The following ZBTB10 variants were observed in gnomAD, a reference collection of about 807,000 sequenced individuals.
ZBTB10 encodes zinc finger and BTB domain-containing protein 10.
Under a neutral mutation model 76.4 loss-of-function variants are expected in ZBTB10, and 32 were observed. The observed-to-expected ratio is 0.42, with a 90% CI of 0.32 to 0.56. The LOEUF is 0.56. Ranked by LOEUF, ZBTB10 falls within the 20% of genes least tolerant of loss-of-function variation. ZBTB10 has a pLI of 0.14. For missense variants in ZBTB10, 1,057 were observed against 1,098.5 expected (o/e 0.96, Z 0.53); for synonymous variants, 523 against 432.9 (o/e 1.21, Z -2.58).
At chr8:80,515,271 A>T (rs1816298995) in intron 3 of ZBTB10, among the ~76,000 whole-genome samples, 1 of 152,226 alleles carries the variant, frequency 6.6e-6, no homozygotes, top group South Asian at 2.1e-4. Flanking sequence ...TGTTGAAGAT[A>T]GATATGGATG....
intron 2 of ZBTB10, among the ~76,000 whole-genome samples, chr8:80,513,461 T>C (rs1816249474): frequency 6.6e-6 from 1 of 152,222 alleles, no homozygotes. Context: ...TAGCTTTAAT[T>C]GGTCTCCACT....
chr8:80,489,213 A>G (rs1056203872), intron 1 of ZBTB10, among the ~76,000 whole-genome samples: 4 of 152,136 alleles, frequency 2.6e-5, no homozygotes, highest in African/African-American at 9.7e-5. Flanking sequence ...GCAATTAACT[A>G]GCTTTGTGAG....
At chr8:80,493,205 G>GCACACACACACACACA (rs1475902734) in intron 1 of ZBTB10, among the ~76,000 whole-genome samples, 8 of 98,364 alleles carry the variant, frequency 8.1e-5, no homozygotes, top group African/African-American at 2.8e-4. Context: ...GCGCGCGCGC[G>GCACACACACACACACA]CGCACACACA....
intron 2 of ZBTB10, among the ~76,000 whole-genome samples, chr8:80,501,026 C>G (rs921168120): frequency 5.3e-5 from 8 of 152,092 alleles, no homozygotes; most frequent in Non-Finnish European, 8.8e-5. Flanking sequence ...GCCACCACAC[C>G]CAGCTAATTT....
chr8:80,486,482 T>C lies in ZBTB10; in HGVS notation c.-329T>C. ...ACTCCGCTGCTCAACTTCGAAGGCC[T>C]CGCTCGCTGCAGGCTCGCTCCTCAC... On this transcript the variant is annotated 5_prime_UTR_variant, in exon 1 of 6. Coordinates refer to ENST00000455036, the MANE Select transcript of ZBTB10 (RefSeq NM_001105539.3). 1.0e-6 allele frequency: 1 copy of C among 985,230 alleles called. No homozygotes were observed. The highest frequency in any genetic ancestry group is 1.2e-6 in the Non-Finnish European group (1 of 829,998). The allele number at this position is 985,230 out of a possible 1,614,324, so 61.0% of individuals were successfully genotyped here.
chr8:80,518,307 A>G, intron 3 of ZBTB10, 96 bp from the exon 4 acceptor site: 2 of 1,165,998 alleles, frequency 1.7e-6, no homozygotes, highest in East Asian at 5.4e-5. Flanking sequence ...TTCTATCATA[A>G]TGCCTGTAGG....
In ZBTB10 at chr8:80,525,781, G is replaced by A. The variant is rs1816549049; in HGVS notation, c.*6253G>A. 1 of 152,140 alleles carries A rather than the reference G, an allele frequency of 6.6e-6. No individual in the cohort carries two copies. The allele number at this position is 152,140 out of a possible 1,614,324, so 9.4% of individuals were successfully genotyped here. ...ACACTCAAATAGTATTTGGCACATA[G>A]CTTGTTGATCAAAAGTATTTACTAA... On this transcript the variant is annotated 3_prime_UTR_variant, in exon 6 of 6. Coordinates refer to ENST00000455036, the MANE Select transcript of ZBTB10 (RefSeq NM_001105539.3).
intron 2 of ZBTB10, among the ~76,000 whole-genome samples, chr8:80,504,002 G>A (rs1815989795): frequency 6.6e-6 from 1 of 152,144 alleles, no homozygotes; most frequent in Admixed American, 6.6e-5. Context: ...CATAGCCTGT[G>A]TTTACCAACG....
intron 1 of ZBTB10, among the ~76,000 whole-genome samples, chr8:80,493,197 G>GCGCGCGCA (rs1174846425): frequency 1.1e-4 from 12 of 108,744 alleles, no homozygotes; most frequent in Non-Finnish European, 1.9e-4. Context: ...CTCAAAACGC[G>GCGCGCGCA]CGCGCGCGCG....
At chr8:80,510,646 GTGTGTGTGTGTGTGTGT>G (rs1816166669) in intron 2 of ZBTB10, among the ~76,000 whole-genome samples, 2 of 145,256 alleles carry the variant, frequency 1.4e-5, no homozygotes, top group South Asian at 2.2e-4. Flanking sequence ...ACCAGTGTGT[GTGTGTGTGTGTGTGTGT>G]GTGTGTGTGT....
chr8:80,519,097 A>G, intron 5 of ZBTB10, 126 bp from the exon 6 acceptor site: 2 of 1,399,740 alleles, frequency 1.4e-6, no homozygotes, highest in Non-Finnish European at 1.9e-6. Context: ...ATGAACTGAT[A>G]GTGAGCTTTT....
intron 3 of ZBTB10, among the ~76,000 whole-genome samples, chr8:80,516,374 G>C (rs80053455): frequency 6.6e-6 from 1 of 152,334 alleles, no homozygotes; most frequent in East Asian, 1.9e-4. Context: ...AGTAATTGTA[G>C]GGCATGTGTC....
At position 80,500,054 on chromosome 8, in the gene ZBTB10, A is replaced by G. The variant is rs745756988; in HGVS notation, c.1533A>G (p.Ala511=). ...FWATRNLTNL[A]SNVKIENDGC... Reference sequence around the variant, plus strand: ...CAACACGGAATCTTACCAATTTGGCAAGTAATGTAAAGATTGAAAATGATG... The same window carrying G: ...CAACACGGAATCTTACCAATTTGGCGAGTAATGTAAAGATTGAAAATGATG... Residue 511 remains alanine (A), a synonymous_variant, in exon 2 of 6, where the codon GCA becomes GCG. Transcript: ENST00000455036. The G allele has an allele frequency of 1.9e-6, 3 of 1,613,874 alleles. No individual in the cohort carries two copies. The African/African-American group carries it at 4.0e-5, about 22-fold the overall frequency.
chr8:80,525,999 C>G lies in ZBTB10; in HGVS notation c.*6471C>G, dbSNP rs1023889057. 2.6e-5 allele frequency: 4 copies of G among 152,028 alleles called. No individual in the cohort carries two copies. The highest frequency in any genetic ancestry group is 4.4e-5 in the Non-Finnish European group (3 of 68,002). 9.4% of individuals were successfully genotyped at this position (152,028 alleles called of 1,614,324 possible). On this transcript the variant is annotated 3_prime_UTR_variant, in exon 6 of 6. Transcript: ENST00000455036. ...ATAATGTTACTGCAAGATGTAATGA[C>G]CAAATCCAACCTACTGCAAATGTTA... is the stretch of plus-strand genomic sequence containing the variant.
chr8:80,500,388 T>G lies in ZBTB10; in HGVS notation c.1861+6T>G. 6.5e-7 allele frequency: 1 copy of G among 1,537,370 alleles called. No homozygotes were observed. The highest frequency in any genetic ancestry group is 8.7e-7 in the Non-Finnish European group (1 of 1,145,076). On this transcript the variant is annotated splice_donor_region_variant and intron_variant, in intron 2 of 5. Coordinates refer to ENST00000455036, the MANE Select transcript of ZBTB10 (RefSeq NM_001105539.3). ...ACTCATCAAGGAAGAACCAGGTAAATATTATCTATACAAGGATACTTCCTT... is the reference window on the plus strand; with the variant it reads ...ACTCATCAAGGAAGAACCAGGTAAAGATTATCTATACAAGGATACTTCCTT...
intron 2 of ZBTB10, among the ~76,000 whole-genome samples, chr8:80,501,679 T>G (rs1234398999): frequency 6.8e-6 from 1 of 147,040 alleles, no homozygotes; most frequent in Middle Eastern, 3.3e-3. Flanking sequence ...TGTATGTATG[T>G]GTGTGTGTGT....
upstream of ZBTB10, chr8:80,486,104 G>A (rs1453806580): frequency 2.2e-6 from 1 of 447,464 alleles, no homozygotes; most frequent in African/African-American, 2.7e-5. Context: ...GTCCCCTGGC[G>A]CCCCCACCCC....
At chr8:80,498,821 A>G (rs1815851253) in intron 1 of ZBTB10, among the ~76,000 whole-genome samples, 1 of 152,230 alleles carries the variant, frequency 6.6e-6, no homozygotes, top group Non-Finnish European at 1.5e-5. Context: ...AGAATTTTGA[A>G]TTCAGGAATT....
At chr8:80,493,780 A>G (rs1815710893) in intron 1 of ZBTB10, among the ~76,000 whole-genome samples, 1 of 152,254 alleles carries the variant, frequency 6.6e-6, no homozygotes, top group African/African-American at 2.4e-5. Flanking sequence ...TGGTGAGCCG[A>G]GATCGCGCCC....
Sources: gnomAD v4.1 joint callset for allele counts (sites outside exome capture counted in the v4.1 genomes callset) on GRCh38, gnomAD v4.1.1 for gene constraint, MANE v1.5 for transcripts, NCBI Gene and HGNC (gene_info 2026-07-23, HGNC 2026-07-21) for gene names.